Variants in ZNF740 observed in about 807,000 individuals in gnomAD.
ZNF740 encodes the protein zinc finger protein 740.
Under a neutral mutation model 24.8 loss-of-function variants are expected in ZNF740, and 14 were observed. That is an observed-to-expected ratio of 0.56 (90% CI 0.37 to 0.88). ZNF740 has a LOEUF of 0.88. Among genes scored for constraint, ZNF740 ranks in the 40% least tolerant of loss-of-function variants. The pLI is 0.00. For synonymous variants in ZNF740, 69 were observed against 84.0 expected, an observed-to-expected ratio of 0.82 and a Z score of 0.98; for missense variants, 201 against 247.9, an observed-to-expected ratio of 0.81 and a Z score of 1.27.
chr12:53,185,551 T>C (rs951676441), intron 4 of ZNF740, 75 bp downstream of exon 4: 22 of 1,383,206 alleles, frequency 1.6e-5, no homozygotes, highest in Middle Eastern at 2.4e-4. Context: ...CCCTCTACCA[T>C]GTAACCTGGA....
chr12:53,187,423 C>T, intron 6 of ZNF740, 78 bp from the exon 7 acceptor site: 1 of 1,183,714 alleles, frequency 8.4e-7, no homozygotes, highest in Non-Finnish European at 1.2e-6. Flanking sequence ...TGGTATCTGC[C>T]TCCTGTGAGA....
intron 3 of ZNF740, 125 bp from the exon 4 acceptor site, chr12:53,185,262 T>C: frequency 8.3e-7 from 1 of 1,198,816 alleles, no homozygotes; most frequent in Non-Finnish European, 1.2e-6. Context: ...AATAGTTGTA[T>C]ACTTCCTCTA....
chr12:53,184,196 T>TGA (rs1297407808), intron 2 of ZNF740, among the ~76,000 whole-genome samples: 3 of 145,924 alleles, frequency 2.1e-5, no homozygotes, highest in African/African-American at 5.2e-5. Flanking sequence ...TGTGTGTGTG[T>TGA]GTGTGAGTGA....
intron 2 of ZNF740, 70 bp from the exon 3 acceptor site, chr12:53,184,821 A>G (rs1389700021): frequency 7.8e-6 from 12 of 1,538,840 alleles, no homozygotes; most frequent in Middle Eastern, 1.7e-4. Context: ...AGGTAGTTCT[A>G]TAGAGGATGG....
chr12:53,181,965 C>A lies in ZNF740; in HGVS notation c.-19C>A. ...TAGGAACTCCTGAACTTTTGGGTTG[C>A]CTTAAGTGAGAAATCAGCATGGCTC... On this transcript the variant is annotated 5_prime_UTR_variant, in exon 2 of 7. Coordinates refer to ENST00000416904, the MANE Select transcript of ZNF740 (RefSeq NM_001004304.4). 6.2e-7 allele frequency: 1 copy of A among 1,605,860 alleles called. No individual in the cohort carries two copies. The highest frequency in any genetic ancestry group is 8.5e-7 in the Non-Finnish European group (1 of 1,175,946).
rs1159200922 is a variant in ZNF740, at chr12:53,188,884, T to C, written c.*1294T>C. On this transcript the variant is annotated 3_prime_UTR_variant, in exon 7 of 7. Transcript: ENST00000416904. Reference sequence around the variant, plus strand: ...ACCTTGTCCACTCCCAAAAAAGTAATCGGGTGTGTGTGTGTGTGTGAGAGA... The same window carrying C: ...ACCTTGTCCACTCCCAAAAAAGTAACCGGGTGTGTGTGTGTGTGTGAGAGA... 6.6e-6 allele frequency: 1 copy of C among 152,000 alleles called. No homozygotes were observed. Among genetic ancestry groups the C allele is most frequent in the African/African-American group, 2.4e-5 (1 of 41,318 alleles). The allele number at this position is 152,000 out of a possible 1,614,324, so 9.4% of individuals were successfully genotyped here.
Position 53,181,705 on chromosome 12 carries a change from A to T in ZNF740, c.-279A>T. ...TCTGAAACAGATCGTGAGCTTCATCAAGAGAATTCAACTGGAAAACCAAGA... is the reference window on the plus strand; with the variant it reads ...TCTGAAACAGATCGTGAGCTTCATCTAGAGAATTCAACTGGAAAACCAAGA... On this transcript the variant is annotated 5_prime_UTR_variant, in exon 2 of 7. Coordinates refer to ENST00000416904, the MANE Select transcript of ZNF740 (RefSeq NM_001004304.4). The T allele has an allele frequency of 2.1e-6, 1 of 471,352 alleles. No individual in the cohort carries two copies. Among genetic ancestry groups the T allele is most frequent in the Non-Finnish European group, 3.5e-6 (1 of 282,770 alleles). 29.2% of individuals were successfully genotyped at this position (471,352 alleles called of 1,614,324 possible). A position where few individuals can be genotyped will look rare whatever the true frequency, so the allele number is the denominator to read the frequency against.
rs1343172225 is a variant in ZNF740, at chr12:53,191,465, A to G, written c.*3875A>G. ...CACCTCGCCAGTGAATTAGTCCCCT[A>G]CCAAGGTCTTACAGACCCACCCTTC... On this transcript the variant is annotated 3_prime_UTR_variant, in exon 7 of 7. Transcript: ENST00000416904. The G allele has an allele frequency of 9.9e-7, 1 of 1,007,370 alleles. No homozygotes were observed. The highest frequency in any genetic ancestry group is 1.6e-6 in the Non-Finnish European group (1 of 629,154). The allele number at this position is 1,007,370 out of a possible 1,614,324, so 62.4% of individuals were successfully genotyped here.
Position 53,192,241 on chromosome 12 carries a change from C to T in ZNF740, c.*4651C>T. 1.4e-6 allele frequency: 2 copies of T among 1,408,394 alleles called. No individual in the cohort carries two copies. The highest frequency in any genetic ancestry group is 2.0e-6 in the Non-Finnish European group (2 of 1,007,844). The allele number at this position is 1,408,394 out of a possible 1,614,324, so 87.2% of individuals were successfully genotyped here. A position where few individuals can be genotyped will look rare whatever the true frequency, so the allele number is the denominator to read the frequency against. On this transcript the variant is annotated 3_prime_UTR_variant, in exon 7 of 7. Coordinates refer to ENST00000416904, the MANE Select transcript of ZNF740 (RefSeq NM_001004304.4). ...TTCACAGTTCTGCTTCAGCCCCCAG[C>T]CTGTTTCCCATTATCTTCACTCTGC... is the stretch of plus-strand genomic sequence containing the variant.
chr12:53,184,261 T>C (rs2121528613), intron 2 of ZNF740, among the ~76,000 whole-genome samples: 1 of 151,182 alleles, frequency 6.6e-6, no homozygotes, highest in Non-Finnish European at 1.5e-5. Context: ...CGATTTCGGC[T>C]CACTGCAGCC....
Position 53,193,457 on chromosome 12 carries a change from AGAGTTG to A in ZNF740, c.*5871_*5876del, listed in dbSNP as rs1359861215. On this transcript the variant is annotated 3_prime_UTR_variant, in exon 7 of 7. Coordinates refer to ENST00000416904, the MANE Select transcript of ZNF740 (RefSeq NM_001004304.4). Reference sequence around the variant, plus strand: ...GAACCTCTAAACCCAAGTTCTCAAAAGAGTTGGAGACAGACAAACAGCTGAAAGGAT... The same window carrying A: ...GAACCTCTAAACCCAAGTTCTCAAAAGAGACAGACAAACAGCTGAAAGGAT... 8 of 934,342 alleles carry A rather than the reference AGAGTTG, an allele frequency of 8.6e-6. No homozygotes were observed. Among genetic ancestry groups the A allele is most frequent in the Non-Finnish European group, 1.3e-5 (8 of 634,840 alleles). The allele number at this position is 934,342 out of a possible 1,614,324, so 57.9% of individuals were successfully genotyped here.
chr12:53,188,688 G>A lies in ZNF740; in HGVS notation c.*1098G>A, dbSNP rs574883917. The stretch of plus-strand genomic sequence containing the variant: ...AGGTAGAGGAGGTAGGGAGGGGTCT[G>A]TCCTTTGGTCCCAAAAAACAAGATC... On this transcript the variant is annotated 3_prime_UTR_variant, in exon 7 of 7. Transcript: ENST00000416904. 5 of 152,324 alleles carry A rather than the reference G, an allele frequency of 3.3e-5. No homozygotes were observed. Among genetic ancestry groups the A allele is most frequent in the African/African-American group, 9.6e-5 (4 of 41,542 alleles). The allele number at this position is 152,324 out of a possible 1,614,324, so 9.4% of individuals were successfully genotyped here.
chr12:53,192,089 G>A lies in ZNF740; in HGVS notation c.*4499G>A, dbSNP rs755038782. On this transcript the variant is annotated 3_prime_UTR_variant, in exon 7 of 7. Coordinates refer to ENST00000416904, the MANE Select transcript of ZNF740 (RefSeq NM_001004304.4). ...GGACAGATCATCAGTTGCTCACAGTGTGTCCAGCCTGTCCAACCCTGTCTG... is the reference window on the plus strand; with the variant it reads ...GGACAGATCATCAGTTGCTCACAGTATGTCCAGCCTGTCCAACCCTGTCTG... 214 of 1,536,862 alleles carry A rather than the reference G, an allele frequency of 1.4e-4. 2 individuals are homozygous for A. The highest frequency in any genetic ancestry group is 3.0e-5 in the Non-Finnish European group (34 of 1,132,772).
intron 2 of ZNF740, 111 bp from the exon 3 acceptor site, chr12:53,184,780 T>G: frequency 7.6e-7 from 1 of 1,307,578 alleles, no homozygotes; most frequent in African/African-American, 1.5e-5. Flanking sequence ...GGACATTCCC[T>G]GGAGAGAAGC....
chr12:53,181,458 C>T (rs1304678730), intron 1 of ZNF740: 3 of 985,336 alleles, frequency 3.0e-6, no homozygotes, highest in African/African-American at 3.5e-5. Flanking sequence ...TGGCAGAGTT[C>T]CTCCATAGGA....
chr12:53,185,183 T>C, intron 3 of ZNF740, 143 bp downstream of exon 3: 3 of 1,375,866 alleles, frequency 2.2e-6, no homozygotes, highest in South Asian at 2.8e-5. Context: ...TGAACATTGG[T>C]ATTTCAGAAA....
At chr12:53,182,284 G>A (rs575798421) in intron 2 of ZNF740, 19 of 418,454 alleles carry the variant, frequency 4.5e-5, no homozygotes, top group African/African-American at 3.6e-4. Context: ...AGGGGTGTAA[G>A]GGAGTGAATA....
chr12:53,187,378 T>G (rs1411424895), intron 6 of ZNF740, 123 bp from the exon 7 acceptor site: 2 of 771,590 alleles, frequency 2.6e-6, no homozygotes, highest in Non-Finnish European at 4.4e-6. Flanking sequence ...CGTGTGCTCC[T>G]GCTGTCTGTG....
chr12:53,181,521 G>C, intron 1 of ZNF740, 156 bp from the exon 2 acceptor site: 1 of 984,058 alleles, frequency 1.0e-6, no homozygotes, highest in Non-Finnish European at 1.2e-6. Flanking sequence ...CAGGAGACCA[G>C]TTCCTCCTAT....
Sources: allele counts gnomAD v4.1 joint callset (sites outside exome capture counted in the v4.1 genomes callset), GRCh38; gene constraint gnomAD v4.1.1; transcripts MANE v1.5; gene names NCBI Gene and HGNC (gene_info 2026-07-23, HGNC 2026-07-21).